Variants in MAST4 observed in about 807,000 individuals in gnomAD.
MAST4 encodes microtubule-associated serine/threonine-protein kinase 4.
A neutral mutation model predicts 162.7 loss-of-function variants in MAST4; 89 were observed. The observed-to-expected ratio is 0.55, with a 90% CI of 0.46 to 0.65. The LOEUF (loss-of-function observed/expected upper bound fraction) is 0.65. MAST4 is among the 30% of genes least tolerant of loss of function. The pLI, the probability that MAST4 is intolerant of heterozygous loss-of-function variation, is 0.00. For missense variants in MAST4, 3,153 were observed against 3,374.0 expected, an observed-to-expected ratio of 0.93 and a Z score of 1.62; for synonymous variants, 1,479 against 1,361.1, an observed-to-expected ratio of 1.09 and a Z score of -1.91.
intron 1 of MAST4, among the ~76,000 whole-genome samples, chr5:66,635,384 C>T (rs1028024706): frequency 5.9e-5 from 9 of 152,210 alleles, no homozygotes; most frequent in African/African-American, 2.2e-4. Context: ...ACCAGAAATA[C>T]TTGGCTCGTC....
intron 4 of MAST4, among the ~76,000 whole-genome samples, chr5:67,011,101 C>T (rs1752616427): frequency 6.6e-6 from 1 of 152,170 alleles, no homozygotes; most frequent in African/African-American, 2.4e-5. Flanking sequence ...AAATTTCTTC[C>T]GTAGCCTTAT....
intron 4 of MAST4, chr5:66,986,462 TG>T: frequency 6.4e-7 from 1 of 1,573,262 alleles, no homozygotes; most frequent in Non-Finnish European, 8.6e-7. Flanking sequence ...GTCCAAATGC[TG>T]GGAGAACATC....
chr5:66,974,999 A>G (rs1014997869), intron 4 of MAST4, among the ~76,000 whole-genome samples: 4 of 152,288 alleles, frequency 2.6e-5, no homozygotes, highest in Non-Finnish European at 5.9e-5. Context: ...ACTTAGGAAA[A>G]AAGGAGTCTT....
chr5:66,835,100 T>C (rs1757871871), intron 3 of MAST4, among the ~76,000 whole-genome samples: 1 of 152,216 alleles, frequency 6.6e-6, no homozygotes, highest in Non-Finnish European at 1.5e-5. Context: ...CTTCACATTA[T>C]GTCCTTGGCT....
At chr5:66,958,366 A>G (rs992265766) in intron 4 of MAST4, among the ~76,000 whole-genome samples, 5 of 152,204 alleles carry the variant, frequency 3.3e-5, no homozygotes, top group Admixed American at 3.3e-4. Context: ...CAAGTTATGA[A>G]TGCTGTGAAA....
intron 4 of MAST4, among the ~76,000 whole-genome samples, chr5:66,924,347 A>AG (rs201603092): frequency 0.013 from 2,051 of 152,260 alleles, 55 homozygotes; most frequent in African/African-American, 0.047. Context: ...GAGTAAAAAA[A>AG]TAGAATTTAT....
intron 3 of MAST4, among the ~76,000 whole-genome samples, chr5:66,826,187 G>A (rs1757245536): frequency 6.6e-6 from 1 of 151,768 alleles, no homozygotes; most frequent in Non-Finnish European, 1.5e-5. Context: ...TCTTTAAAAT[G>A]TATGTGTATC....
chr5:66,745,748 T>C lies in MAST4; in HGVS notation c.364-13961T>C, dbSNP rs143517420. 4.1e-3 allele frequency among the ~76,000 whole-genome samples: 629 copies of C among 152,386 alleles called. 1 individual carries two copies. The highest frequency in any genetic ancestry group is 0.013 in the South Asian group (62 of 4,832). ...CATGTTGTCTTAATGGTTGTGGTTT[T>C]GTGTCTGTGGACTTGGATGGAAGTG... is the stretch of plus-strand genomic sequence containing the variant. On this transcript the variant is annotated intron_variant, in intron 1 of 28. Coordinates refer to ENST00000403625, the MANE Select transcript of MAST4 (RefSeq NM_001164664.2).
At chr5:66,935,851 AGAGAC>A (rs1294718302) in intron 4 of MAST4, among the ~76,000 whole-genome samples, 1 of 151,960 alleles carries the variant, frequency 6.6e-6, no homozygotes, top group Non-Finnish European at 1.5e-5. Flanking sequence ...TATTTTTAGT[AGAGAC>A]GGGGTTTCAT....
At chr5:66,779,779 TG>T (rs1251424898) in intron 2 of MAST4, among the ~76,000 whole-genome samples, 1 of 152,204 alleles carries the variant, frequency 6.6e-6, no homozygotes, top group African/African-American at 2.4e-5. Context: ...ATTAGGGTGA[TG>T]GCTGCTGAGT....
rs569897477 is a variant in MAST4, at chr5:66,790,574, T to G, written c.642+1780T>G. Among the ~76,000 whole-genome samples the G allele has an allele frequency of 4.6e-5, 7 of 152,362 alleles. No individual in the cohort carries two copies. In the South Asian group the frequency reaches 1.5e-3, roughly 32 times the overall value. The stretch of plus-strand genomic sequence containing the variant: ...TATTTTCATTTTTAGGGACAAAGTC[T>G]TGCTTTTTTGCCCAGGCTGGAATAC... On this transcript the variant is annotated intron_variant, in intron 3 of 28. Coordinates refer to ENST00000403625, the MANE Select transcript of MAST4 (RefSeq NM_001164664.2).
intron 1 of MAST4, among the ~76,000 whole-genome samples, chr5:66,661,823 A>G (rs1746930306): frequency 1.3e-5 from 2 of 152,182 alleles, no homozygotes; most frequent in Non-Finnish European, 2.9e-5. Context: ...CAAAGGGTAC[A>G]CTCTGAAGTA....
At chr5:66,948,783 T>C (rs1744330268) in intron 4 of MAST4, among the ~76,000 whole-genome samples, 1 of 152,180 alleles carries the variant, frequency 6.6e-6, no homozygotes, top group East Asian at 1.9e-4. Context: ...CTTGTGACTA[T>C]ACTTTTAGTA....
rs923374390 is a variant in MAST4 at position 66,700,976 on chromosome 5, TG to T, written c.364-58732del. On this transcript the variant is annotated intron_variant, in intron 1 of 28. Coordinates refer to ENST00000403625, the MANE Select transcript of MAST4 (RefSeq NM_001164664.2). ...AATTATTTAAGACTGTTTGCAAATA[TG>T]TTTTTAATCTTCTGTGTTGCATTAT... Among the ~76,000 whole-genome samples the T allele has an allele frequency of 4.3e-4, 65 of 152,148 alleles. 1 individual carries two copies. Among genetic ancestry groups the T allele is most frequent in the African/African-American group, 1.4e-3 (59 of 41,534 alleles).
intron 3 of MAST4, among the ~76,000 whole-genome samples, chr5:66,886,199 G>A (rs977811276): frequency 1.3e-5 from 2 of 152,152 alleles, no homozygotes; most frequent in African/African-American, 4.8e-5. Context: ...GGGTGAGTAG[G>A]CCACTTAATT....
chr5:66,644,091 AG>A (rs1745664178), intron 1 of MAST4, among the ~76,000 whole-genome samples: 2 of 152,020 alleles, frequency 1.3e-5, no homozygotes, highest in Admixed American at 6.6e-5. Context: ...ACTGTATTTT[AG>A]TAGTCAGTAA....
Position 67,145,319 on chromosome 5 carries a change from G to A in MAST4, c.3034G>A (p.Ala1012Thr). The part of the protein sequence containing the change: ...GKPALPPEEC[A>T]QEEPEVTTPA... ...GCCAGCCCTTCCTCCTGAAGAGTGT[G>A]CCCAGGAGGAGCCTGAGGTCACCAC... Residue 1012 changes from alanine to threonine, a missense_variant, in exon 23 of 29, where the codon GCC becomes ACC. Physicochemically the swap from Ala to Thr is moderately conservative, Grantham distance 58. Around this residue, in one of 7 missense-constraint regions of MAST4, gnomAD observed 619 missense variants for 744.2 expected, o/e 0.83. Transcript: ENST00000403625. The A allele has an allele frequency of 1.2e-6, 2 of 1,613,684 alleles. No individual in the cohort carries two copies. The highest frequency in any genetic ancestry group is 2.2e-5 in the South Asian group (2 of 91,082).
intron 1 of MAST4, among the ~76,000 whole-genome samples, chr5:66,675,302 A>G (rs1345912800): frequency 6.6e-6 from 1 of 152,190 alleles, no homozygotes; most frequent in East Asian, 1.9e-4. Context: ...AAACATAGGA[A>G]GGGTGTTCAG....
chr5:66,944,119 AT>A (rs1192866051), intron 4 of MAST4, among the ~76,000 whole-genome samples: 2 of 152,114 alleles, frequency 1.3e-5, no homozygotes, highest in Non-Finnish European at 2.9e-5. Context: ...ATAGTTTACA[AT>A]TCCTATTTCC....
Sources: allele counts gnomAD v4.1 joint callset (sites outside exome capture counted in the v4.1 genomes callset), GRCh38; gene constraint gnomAD v4.1.1; regional missense constraint gnomAD v4.1.1; transcripts MANE v1.5; gene names NCBI Gene and HGNC (gene_info 2026-07-23, HGNC 2026-07-21).